Variants in CHSY3 observed in about 807,000 individuals in gnomAD.
CHSY3 encodes the protein chondroitin sulfate synthase 3.
In CHSY3, 35 loss-of-function variants were observed where a neutral mutation model predicts 67.2. That is an observed-to-expected ratio of 0.52 (90% confidence interval 0.40 to 0.69). The LOEUF (loss-of-function observed/expected upper bound fraction) is 0.69. Among genes scored for constraint, CHSY3 ranks in the 30% least tolerant of loss-of-function variants. The pLI is 0.00. For synonymous variants in CHSY3, 474 were observed against 434.7 expected, an observed-to-expected ratio of 1.09 and a Z score of -1.12; for missense variants, 1,069 against 1,138.5, an observed-to-expected ratio of 0.94 and a Z score of 0.88.
At chr5:129,966,753 G>A (rs1415460310) in intron 2 of CHSY3, among the ~76,000 whole-genome samples, 1 of 151,630 alleles carries the variant, frequency 6.6e-6, no homozygotes, top group Non-Finnish European at 1.5e-5. Flanking sequence ...CTCACCTACT[G>A]TTTGTGTATC....
intron 2 of CHSY3, 152 bp from the exon 3 acceptor site, chr5:130,184,077 A>G: frequency 1.8e-6 from 1 of 557,274 alleles, no homozygotes. Flanking sequence ...TTTTAATTTT[A>G]AATAATATAA....
chr5:130,060,144 AT>A (rs1271599324), intron 2 of CHSY3, among the ~76,000 whole-genome samples: 1 of 152,182 alleles, frequency 6.6e-6, no homozygotes, highest in African/African-American at 2.4e-5. Context: ...AACATCCCTG[AT>A]AACACAGATG....
intron 2 of CHSY3, among the ~76,000 whole-genome samples, chr5:130,168,424 G>GGA (rs904564736): frequency 6.6e-6 from 1 of 152,052 alleles, no homozygotes; most frequent in African/African-American, 2.4e-5. Flanking sequence ...GTAAAGAGAT[G>GGA]GAGGACTCCC....
intron 2 of CHSY3, among the ~76,000 whole-genome samples, chr5:130,020,461 ATT>A (rs1196155924): frequency 4.5e-4 from 36 of 79,858 alleles, no homozygotes; most frequent in African/African-American, 1.6e-3. Context: ...ATATATATAT[ATT>A]TTTTTTTTTT....
intron 2 of CHSY3, among the ~76,000 whole-genome samples, chr5:129,984,961 C>T (rs1235931905): frequency 2.6e-5 from 4 of 152,038 alleles, no homozygotes; most frequent in African/African-American, 9.7e-5. Flanking sequence ...TAATTTCTCC[C>T]ATTCTATAGG....
At chr5:130,099,053 G>A (rs965840278) in intron 2 of CHSY3, among the ~76,000 whole-genome samples, 1 of 152,148 alleles carries the variant, frequency 6.6e-6, no homozygotes, top group African/African-American at 2.4e-5. Context: ...CAGTTGGGCA[G>A]AGCAATGTCT....
intron 2 of CHSY3, among the ~76,000 whole-genome samples, chr5:129,919,797 T>C (rs905493704): frequency 6.6e-6 from 1 of 152,314 alleles, no homozygotes; most frequent in East Asian, 1.9e-4. Context: ...ATAACTATAA[T>C]AAAACATTTT....
At chr5:130,079,449 A>C (rs896021897) in intron 2 of CHSY3, among the ~76,000 whole-genome samples, 1 of 152,082 alleles carries the variant, frequency 6.6e-6, no homozygotes, top group Non-Finnish European at 1.5e-5. Flanking sequence ...ATTTTTGTGG[A>C]AAATAGAATC....
At chr5:130,167,897 C>T (rs1769793428) in intron 2 of CHSY3, among the ~76,000 whole-genome samples, 3 of 151,954 alleles carry the variant, frequency 2.0e-5, no homozygotes, top group Non-Finnish European at 4.4e-5. Flanking sequence ...AATCTAGGAG[C>T]TCTCCTTTTC....
At chr5:129,993,332 G>C (rs545867075) in intron 2 of CHSY3, among the ~76,000 whole-genome samples, 2 of 152,096 alleles carry the variant, frequency 1.3e-5, no homozygotes, top group Admixed American at 6.6e-5. Flanking sequence ...CACTATTATT[G>C]TGTGGGAGTC....
intron 2 of CHSY3, among the ~76,000 whole-genome samples, chr5:130,098,223 C>T (rs938375095): frequency 6.6e-6 from 1 of 152,172 alleles, no homozygotes; most frequent in Non-Finnish European, 1.5e-5. Flanking sequence ...TGCCTTACCC[C>T]CTCCTTAATC....
At chr5:130,031,854 A>C (rs952406278) in intron 2 of CHSY3, among the ~76,000 whole-genome samples, 2 of 152,186 alleles carry the variant, frequency 1.3e-5, no homozygotes, top group African/African-American at 4.8e-5. Context: ...AGTTTTAAAA[A>C]TAAATAATTT....
intron 2 of CHSY3, among the ~76,000 whole-genome samples, chr5:130,014,189 A>G (rs1297108493): frequency 6.6e-6 from 1 of 152,132 alleles, no homozygotes; most frequent in African/African-American, 2.4e-5. Flanking sequence ...GGAAGTTCCA[A>G]CTGTCCCACA....
chr5:130,076,380 A>G (rs1158037360), intron 2 of CHSY3, among the ~76,000 whole-genome samples: 1 of 149,166 alleles, frequency 6.7e-6, no homozygotes, highest in Non-Finnish European at 1.5e-5. Flanking sequence ...ATCACATTCT[A>G]TGCCACATTA....
intron 2 of CHSY3, among the ~76,000 whole-genome samples, chr5:129,921,925 A>T (rs567774014): frequency 9.9e-5 from 15 of 152,192 alleles, no homozygotes; most frequent in African/African-American, 3.6e-4. Flanking sequence ...TGTGCTACCA[A>T]ATACTAGATC....
At chr5:129,937,185 T>C (rs1761524413) in intron 2 of CHSY3, among the ~76,000 whole-genome samples, 1 of 152,188 alleles carries the variant, frequency 6.6e-6, no homozygotes, top group Admixed American at 6.6e-5. Context: ...GGTTCATGGT[T>C]ATGTGGGCTG....
intron 2 of CHSY3, among the ~76,000 whole-genome samples, chr5:130,168,647 C>A (rs1289944010): frequency 6.6e-6 from 1 of 151,962 alleles, no homozygotes; most frequent in East Asian, 1.9e-4. Context: ...AAATATTTTG[C>A]TCTCTGTTTT....
intron 2 of CHSY3, among the ~76,000 whole-genome samples, chr5:130,013,002 A>G (rs982771986): frequency 1.3e-5 from 2 of 152,024 alleles, no homozygotes; most frequent in Admixed American, 6.6e-5. Context: ...GGGTACAGGC[A>G]TTGGGTAAAT....
chr5:130,033,913 T>A (rs967096272), intron 2 of CHSY3, among the ~76,000 whole-genome samples: 1 of 152,210 alleles, frequency 6.6e-6, no homozygotes, highest in Non-Finnish European at 1.5e-5. Context: ...TTTGCAATTC[T>A]CTGGATGTTT....
Sources: gnomAD v4.1 joint callset for allele counts (sites outside exome capture counted in the v4.1 genomes callset) on GRCh38, gnomAD v4.1.1 for gene constraint, MANE v1.5 for transcripts, NCBI Gene and HGNC (gene_info 2026-07-23, HGNC 2026-07-21) for gene names.